LRRC3B: variants seen among roughly 807,000 people sequenced by gnomAD.
The protein encoded by LRRC3B is leucine rich repeat containing 3B.
LRRC3B carries 2 observed loss-of-function variants against 12.8 expected under a neutral mutation model. The ratio of observed to expected loss-of-function variants is 0.16; its 90% confidence interval spans 0.06 to 0.49. LRRC3B has a LOEUF of 0.49. LRRC3B is among the 20% of genes least tolerant of loss of function. The pLI, the probability that LRRC3B is intolerant of heterozygous loss-of-function variation, is 0.96. For missense variants in LRRC3B, 189 were observed against 319.4 expected, an observed-to-expected ratio of 0.59 and a Z score of 3.11; for synonymous variants, 132 against 122.0, an observed-to-expected ratio of 1.08 and a Z score of -0.54.
chr3:26,624,968 C>T (rs1203188589), intron 1 of LRRC3B: 2 of 152,176 alleles, frequency 1.3e-5, no homozygotes, highest in Non-Finnish European at 2.9e-5. Context: ...CTGCCAAGGC[C>T]AGTAAGCACC....
chr3:26,696,972 A>G (rs541844783), intron 1 of LRRC3B, among the ~76,000 whole-genome samples: 2 of 152,272 alleles, frequency 1.3e-5, no homozygotes, highest in South Asian at 4.1e-4. Context: ...TTTAGATAAT[A>G]ACCATTTTGT....
chr3:26,636,871 T>C (rs1698891358), intron 1 of LRRC3B, among the ~76,000 whole-genome samples: 1 of 94,492 alleles, frequency 1.1e-5, no homozygotes, highest in African/African-American at 5.0e-5. Context: ...CCTCCCTTCC[T>C]TCCTTCCTTC....
At chr3:26,635,477 C>G (rs1166845038) in intron 1 of LRRC3B, among the ~76,000 whole-genome samples, 1 of 152,172 alleles carries the variant, frequency 6.6e-6, no homozygotes, top group Non-Finnish European at 1.5e-5. Context: ...GAAAAGACAA[C>G]AGAAAGCATG....
chr3:26,628,238 TAAA>T (rs1294190960), intron 1 of LRRC3B, among the ~76,000 whole-genome samples: 1 of 152,014 alleles, frequency 6.6e-6, no homozygotes, highest in Non-Finnish European at 1.5e-5. Flanking sequence ...TATGGAAAAA[TAAA>T]AACTTTTATT....
intron 1 of LRRC3B, among the ~76,000 whole-genome samples, chr3:26,634,612 G>T (rs1003563571): frequency 6.6e-6 from 1 of 152,146 alleles, no homozygotes; most frequent in South Asian, 2.1e-4. Context: ...TGAGATGGGG[G>T]GAGGATTCTC....
intron 1 of LRRC3B, among the ~76,000 whole-genome samples, chr3:26,654,329 G>T (rs1208315994): frequency 6.6e-6 from 1 of 152,146 alleles, no homozygotes; most frequent in African/African-American, 2.4e-5. Context: ...CTCAAGTTTT[G>T]CTGCATGCTA....
At chr3:26,640,002 G>T (rs1698989063) in intron 1 of LRRC3B, among the ~76,000 whole-genome samples, 1 of 152,124 alleles carries the variant, frequency 6.6e-6, no homozygotes, top group Non-Finnish European at 1.5e-5. Flanking sequence ...AATCAGGATG[G>T]ATAAACAGCT....
At chr3:26,691,154 G>A (rs1700186976) in intron 1 of LRRC3B, among the ~76,000 whole-genome samples, 1 of 118,964 alleles carries the variant, frequency 8.4e-6, no homozygotes, top group South Asian at 2.9e-4. Flanking sequence ...TAAATCAAAT[G>A]AGGAAAACTT....
At chr3:26,647,886 C>T (rs1322052956) in intron 1 of LRRC3B, among the ~76,000 whole-genome samples, 1 of 152,156 alleles carries the variant, frequency 6.6e-6, no homozygotes, top group African/African-American at 2.4e-5. Flanking sequence ...CATATAGCTT[C>T]CCCGCGCCAA....
intron 1 of LRRC3B, chr3:26,694,724 T>C (rs1456032394): frequency 6.6e-6 from 1 of 152,214 alleles, no homozygotes; most frequent in Non-Finnish European, 1.5e-5. Flanking sequence ...TTCTGTACAT[T>C]TTGTTGAGAC....
chr3:26,682,116 C>T (rs1195035670), intron 1 of LRRC3B, among the ~76,000 whole-genome samples: 1 of 152,086 alleles, frequency 6.6e-6, no homozygotes, highest in African/African-American at 2.4e-5. Context: ...ACTGTATCCA[C>T]CTATCTGGGG....
intron 1 of LRRC3B, among the ~76,000 whole-genome samples, chr3:26,671,413 G>GAGAGGGAGAGAGAGAGAC (rs9331540): frequency 3.0e-5 from 3 of 99,378 alleles, no homozygotes; most frequent in Non-Finnish European, 5.8e-5. Context: ...GAGAGAGAGA[G>GAGAGGGAGAGAGAGAGAC]ACGAAGTCTT....
intron 1 of LRRC3B, among the ~76,000 whole-genome samples, chr3:26,684,938 C>CTTTATTTTAT (rs58072949): frequency 6.7e-4 from 101 of 150,312 alleles, no homozygotes; most frequent in Middle Eastern, 3.5e-3. Context: ...ACACAGGTTT[C>CTTTATTTTAT]TTTATTTTAT....
At chr3:26,631,689 C>A (rs1698760511) in intron 1 of LRRC3B, among the ~76,000 whole-genome samples, 1 of 151,064 alleles carries the variant, frequency 6.6e-6, no homozygotes, top group Admixed American at 6.6e-5. Context: ...AGGCTTTGAC[C>A]TTGTAGGGGT....
chr3:26,671,413 G>C (rs7643737), intron 1 of LRRC3B, among the ~76,000 whole-genome samples: 2,915 of 98,578 alleles, frequency 0.03, 84 homozygotes, highest in East Asian at 0.046. Context: ...GAGAGAGAGA[G>C]ACGAAGTCTT....
chr3:26,702,370 T>C (rs1700475207), intron 1 of LRRC3B, among the ~76,000 whole-genome samples: 1 of 152,156 alleles, frequency 6.6e-6, no homozygotes, highest in Non-Finnish European at 1.5e-5. Context: ...GACTAAAGGA[T>C]CACAGCTGTT....
chr3:26,648,039 T>C (rs1290194834), intron 1 of LRRC3B, among the ~76,000 whole-genome samples: 1 of 151,968 alleles, frequency 6.6e-6, no homozygotes, highest in African/African-American at 2.4e-5. Context: ...ACAGAACTGA[T>C]GAGGAAGGAG....
chr3:26,703,889 G>A (rs916377735), intron 1 of LRRC3B, among the ~76,000 whole-genome samples: 1 of 151,520 alleles, frequency 6.6e-6, no homozygotes, highest in Non-Finnish European at 1.5e-5. Flanking sequence ...GCTTTCTGAG[G>A]CATTAAATTT....
chr3:26,669,572 T>C (rs757235867), intron 1 of LRRC3B, among the ~76,000 whole-genome samples: 1 of 152,234 alleles, frequency 6.6e-6, no homozygotes, highest in Non-Finnish European at 1.5e-5. Flanking sequence ...TTTTCACTAA[T>C]TGCTTGATTT....
Sources: gnomAD v4.1 joint callset for allele counts (sites outside exome capture counted in the v4.1 genomes callset) on GRCh38, gnomAD v4.1.1 for gene constraint, MANE v1.5 for transcripts, NCBI Gene and HGNC (gene_info 2026-07-23, HGNC 2026-07-21) for gene names.